Variants in SHPK observed in about 807,000 individuals in gnomAD.
SHPK encodes sedoheptulokinase.
Under a neutral mutation model 46.3 loss-of-function variants are expected in SHPK, and 51 were observed. That is an observed-to-expected ratio of 1.10 (90% CI 0.88 to 1.39). The LOEUF is 1.39. Ranked by LOEUF, SHPK falls within the 40% of genes most tolerant of loss-of-function variation. SHPK has a pLI of 0.00. For synonymous variants in SHPK, 290 were observed against 273.9 expected (o/e 1.06, Z -0.58); for missense variants, 668 against 641.3 (o/e 1.04, Z -0.45).
Position 3,626,237 on chromosome 17 carries a change from G to C in SHPK, c.311-2006C>G, listed in dbSNP as rs569199833. On this transcript the variant is annotated intron_variant, in intron 2 of 6. Coordinates refer to ENST00000225519, the MANE Select transcript of SHPK (RefSeq NM_013276.4). ...AGTTCACTAGAATATATCTAGCTGG[G>C]GGTTGTCTTTATCTCCTCTTTGACA... Among the ~76,000 whole-genome samples the C allele has an allele frequency of 3.9e-5, 6 of 152,244 alleles. No homozygotes were observed. The East Asian group carries it at 9.6e-4, about 24-fold the overall frequency.
chr17:3,624,723 G>A (rs193132464), intron 2 of SHPK, among the ~76,000 whole-genome samples: 217 of 151,978 alleles, frequency 1.4e-3, no homozygotes, highest in Non-Finnish European at 2.5e-3. Context: ...GCATGATCCC[G>A]GCTCACTGCA....
At chr17:3,631,967 TC>T (rs1324517206) in intron 1 of SHPK, among the ~76,000 whole-genome samples, 1 of 152,092 alleles carries the variant, frequency 6.6e-6, no homozygotes, top group Non-Finnish European at 1.5e-5. Context: ...AGGTTACATT[TC>T]TTTTTTTTTG....
chr17:3,624,341 T>C, intron 2 of SHPK, 110 bp from the exon 3 acceptor site: 1 of 1,018,772 alleles, frequency 9.8e-7, no homozygotes. Flanking sequence ...AATCGTCCCA[T>C]GATAAAGCCT....
chr17:3,623,239 C>G (rs1263874193), intron 4 of SHPK, 100 bp downstream of exon 4: 1 of 1,372,542 alleles, frequency 7.3e-7, no homozygotes, highest in African/African-American at 1.4e-5. Flanking sequence ...TGGGAACCCT[C>G]CACCACTCCC....
chr17:3,621,571 C>T (rs1008810090), intron 4 of SHPK, among the ~76,000 whole-genome samples, 159 bp from the exon 5 acceptor site: 4 of 148,714 alleles, frequency 2.7e-5, no homozygotes, highest in Non-Finnish European at 6.0e-5. Context: ...CCCTCTTTCC[C>T]TCCCTTCCTT....
rs1470914863 is a variant in SHPK at position 3,619,364 on chromosome 17, G to T, written c.823+1873C>A. 15 of 1,482,156 alleles carry T rather than the reference G, an allele frequency of 1.0e-5. 1 individual carries two copies. Among genetic ancestry groups the T allele is most frequent in the Non-Finnish European group, 1.4e-5 (15 of 1,064,440 alleles). 91.8% of individuals were successfully genotyped at this position (1,482,156 alleles called of 1,614,324 possible). A position where few individuals can be genotyped will look rare whatever the true frequency, so the allele number is the denominator to read the frequency against. ...TTATCTGGACCTTGTTTTATACATT[G>T]AACCATTCCGGGTGATGATTCATCT... On this transcript the variant is annotated intron_variant, in intron 5 of 6. Coordinates refer to ENST00000225519, the MANE Select transcript of SHPK (RefSeq NM_013276.4).
rs144071313 is a variant in SHPK at position 3,624,187 on chromosome 17, G to A, written c.355C>T (p.Arg119Ter). The A allele has an allele frequency of 7.4e-4, 1,199 of 1,614,038 alleles. 2 individuals are homozygous for A. Among genetic ancestry groups the A allele is most frequent in the Non-Finnish European group, 9.2e-4 (1,090 of 1,179,926 alleles). The change falls in exon 3 of 7, where the codon CGA (arginine) becomes TGA (stop). Residue 119 changes from arginine to a stop codon, truncating the protein, a stop_gained. Coordinates refer to ENST00000225519, the MANE Select transcript of SHPK (RefSeq NM_013276.4). LOFTEE classifies it high-confidence loss of function. ...EGGITPVFEPRAVSHLVTWQD... is the reference protein window; with the variant it reads ...EGGITPVFEP ...CACGTGACCAGGTGGCTAACAGCTCGGGGCTCGAACACCGGGGTAATCCCT... is the reference window on the plus strand; with the variant it reads ...CACGTGACCAGGTGGCTAACAGCTCAGGGCTCGAACACCGGGGTAATCCCT...
intron 5 of SHPK, 44 bp downstream of exon 5, chr17:3,621,193 A>G (rs1394319288): frequency 3.3e-6 from 5 of 1,505,688 alleles, no homozygotes; most frequent in Non-Finnish European, 2.7e-6. Context: ...CTTATGAGGC[A>G]GGCGACAGTG....
intron 2 of SHPK, among the ~76,000 whole-genome samples, chr17:3,627,382 C>G (rs1425512437): frequency 1.3e-5 from 2 of 152,142 alleles, no homozygotes; most frequent in African/African-American, 2.4e-5. Context: ...CACTGAAGCA[C>G]TTAGCTCTCT....
At chr17:3,631,267 A>G (rs2075469811) in intron 1 of SHPK, among the ~76,000 whole-genome samples, 1 of 151,766 alleles carries the variant, frequency 6.6e-6, no homozygotes, top group South Asian at 2.1e-4. Context: ...GAAGTGGAAG[A>G]CAAGAGGCAC....
At chr17:3,625,968 G>A (rs543673504) in intron 2 of SHPK, among the ~76,000 whole-genome samples, 13 of 152,184 alleles carry the variant, frequency 8.5e-5, no homozygotes, top group South Asian at 8.3e-4. Flanking sequence ...CAGGAGAATC[G>A]CTTGAACCCA....
chr17:3,634,265 TA>T (rs34948942), intron 1 of SHPK, among the ~76,000 whole-genome samples: 9,935 of 136,106 alleles, frequency 0.073, 312 homozygotes, highest in Middle Eastern at 0.13. Context: ...AGTGATCAAT[TA>T]AAAAAAAAAA....
chr17:3,626,069 C>T lies in SHPK; in HGVS notation c.311-1838G>A, dbSNP rs530436951. Among the ~76,000 whole-genome samples, 201 of 151,860 alleles carry T rather than the reference C, an allele frequency of 1.3e-3. 3 individuals are homozygous for T. Among genetic ancestry groups the T allele is most frequent in the Non-Finnish European group, 1.7e-3 (116 of 67,894 alleles). On this transcript the variant is annotated intron_variant, in intron 2 of 6. Transcript: ENST00000225519. The stretch of plus-strand genomic sequence containing the variant: ...CTCCATCTCAGAAAAACAAAACAAA[C>T]AAAAAAATGCTACTCCATTGTCTTT...
At chr17:3,620,262 C>T (rs891331054) in intron 5 of SHPK, among the ~76,000 whole-genome samples, 4 of 151,734 alleles carry the variant, frequency 2.6e-5, no homozygotes, top group African/African-American at 9.7e-5. Flanking sequence ...ATATTCTACA[C>T]TTCTTTTTTT....
Position 3,610,303 on chromosome 17 carries a change from T to C in SHPK, c.*257A>G, listed in dbSNP as rs2075328426. 8.6e-6 allele frequency: 4 copies of C among 467,062 alleles called. No homozygotes were observed. In the East Asian group the frequency reaches 1.5e-4, roughly 17 times the overall value. 28.9% of individuals were successfully genotyped at this position (467,062 alleles called of 1,614,324 possible). A position where few individuals can be genotyped will look rare whatever the true frequency, so the allele number is the denominator to read the frequency against. ...CTACTGTGCTCTCATGCTCTCTCTCTCCCACATGGACATTTGTAAATAGCT... is the reference window on the plus strand; with the variant it reads ...CTACTGTGCTCTCATGCTCTCTCTCCCCCACATGGACATTTGTAAATAGCT... On this transcript the variant is annotated 3_prime_UTR_variant, in exon 7 of 7. Coordinates refer to ENST00000225519, the MANE Select transcript of SHPK (RefSeq NM_013276.4).
chr17:3,619,834 T>C, intron 5 of SHPK: 1 of 422,176 alleles, frequency 2.4e-6, no homozygotes, highest in Admixed American at 2.8e-5. Context: ...TATAGCTTGG[T>C]TCCTCTCCTC....
intron 6 of SHPK, among the ~76,000 whole-genome samples, chr17:3,612,699 T>G (rs2075347408): frequency 6.6e-6 from 1 of 151,540 alleles, no homozygotes; most frequent in Non-Finnish European, 1.5e-5. Flanking sequence ...GACCTAGGGC[T>G]TCTCCAGCCT....
intron 4 of SHPK, 108 bp from the exon 5 acceptor site, chr17:3,621,520 T>G (rs2150870624): frequency 1.1e-6 from 1 of 940,544 alleles, no homozygotes; most frequent in Non-Finnish European, 1.6e-6. Context: ...CCCTCCCTTC[T>G]TCCTTTCCTT....
At chr17:3,611,559 G>A (rs2075339759) in intron 6 of SHPK, among the ~76,000 whole-genome samples, 2 of 152,102 alleles carry the variant, frequency 1.3e-5, no homozygotes, top group Non-Finnish European at 2.9e-5. Flanking sequence ...ACAAGAGCAA[G>A]ACTCCATCTA....
Sources: gnomAD v4.1 joint callset for allele counts (sites outside exome capture counted in the v4.1 genomes callset) on GRCh38, gnomAD v4.1.1 for gene constraint, MANE v1.5 for transcripts, NCBI Gene and HGNC (gene_info 2026-07-23, HGNC 2026-07-21) for gene names.